Variants in ANO10 observed in about 807,000 individuals in gnomAD.
ANO10 encodes the protein anoctamin-10.
Under a neutral mutation model 74.7 loss-of-function variants are expected in ANO10, and 77 were observed. That is an observed-to-expected ratio of 1.03 (90% CI 0.86 to 1.25). The LOEUF is 1.25. Ranked by LOEUF, ANO10 falls within the 50% of genes most tolerant of loss-of-function variation. ANO10 has a pLI of 0.00. For synonymous variants in ANO10, 279 were observed against 284.9 expected (o/e 0.98, Z 0.21); for missense variants, 721 against 778.1 (o/e 0.93, Z 0.87).
intron 12 of ANO10, among the ~76,000 whole-genome samples, chr3:43,378,719 A>G (rs1056254135): frequency 1.3e-5 from 2 of 152,132 alleles, no homozygotes; most frequent in Non-Finnish European, 2.9e-5. Context: ...CCCCTGGGTG[A>G]TGACGGCTGT....
intron 10 of ANO10, among the ~76,000 whole-genome samples, chr3:43,550,231 T>C (rs2079397119): frequency 6.6e-6 from 1 of 152,218 alleles, no homozygotes; most frequent in Admixed American, 6.5e-5. Context: ...GAACTTATGT[T>C]GTGAAACCAT....
chr3:43,538,948 G>A (rs559653937), intron 11 of ANO10, among the ~76,000 whole-genome samples: 1 of 152,296 alleles, frequency 6.6e-6, no homozygotes, highest in Non-Finnish European at 1.5e-5. Flanking sequence ...ATTTATGTTA[G>A]TGAATGAAAA....
Position 43,644,287 on chromosome 3 carries a change from C to T in ANO10, c.-11-38424G>A, listed in dbSNP as rs562790555. Among the ~76,000 whole-genome samples, 83 of 152,220 alleles carry T rather than the reference C, an allele frequency of 5.5e-4. 1 individual carries two copies. The highest frequency in any genetic ancestry group is 1.7e-3 in the African/African-American group (72 of 41,540). On this transcript the variant is annotated intron_variant, in intron 1 of 3. Transcript: ENST00000413397. ...AGGTGGCTTTCTATTTGTCCCAACACTATGTATTTAAAAGCCCAGTTTTTC... is the reference window on the plus strand; with the variant it reads ...AGGTGGCTTTCTATTTGTCCCAACATTATGTATTTAAAAGCCCAGTTTTTC...
At chr3:43,564,373 T>C (rs1461618671) in intron 8 of ANO10, among the ~76,000 whole-genome samples, 1 of 151,520 alleles carries the variant, frequency 6.6e-6, no homozygotes, top group Non-Finnish European at 1.5e-5. Context: ...ACAGCATATG[T>C]ACCCCATAAA....
chr3:43,549,274 C>T (rs562658351), intron 11 of ANO10, among the ~76,000 whole-genome samples: 1 of 125,222 alleles, frequency 8.0e-6, no homozygotes, highest in Non-Finnish European at 1.6e-5. Context: ...TACCAAATTA[C>T]ATCAGGTACC....
intron 12 of ANO10, among the ~76,000 whole-genome samples, chr3:43,427,382 G>A (rs2092914584): frequency 6.6e-6 from 1 of 152,020 alleles, no homozygotes; most frequent in Non-Finnish European, 1.5e-5. Context: ...CAGGGCATAG[G>A]GTCTAAGTAC....
chr3:43,627,972 C>T (rs992309255), intron 1 of ANO10, among the ~76,000 whole-genome samples: 32 of 152,134 alleles, frequency 2.1e-4, no homozygotes, highest in African/African-American at 5.1e-4. Flanking sequence ...CCACAATCTC[C>T]GTCTCCCAGA....
chr3:43,684,470 T>G (rs2084246769), intron 1 of ANO10, among the ~76,000 whole-genome samples: 1 of 152,240 alleles, frequency 6.6e-6, no homozygotes, highest in East Asian at 1.9e-4. Context: ...GGAACACTTT[T>G]ACACTGTTGG....
intron 1 of ANO10, among the ~76,000 whole-genome samples, chr3:43,660,681 G>C (rs1159783305): frequency 6.6e-6 from 1 of 152,194 alleles, no homozygotes; most frequent in Non-Finnish European, 1.5e-5. Flanking sequence ...CTGGCTGGGC[G>C]CAGTGGCTCA....
intron 4 of ANO10, among the ~76,000 whole-genome samples, chr3:43,596,727 C>A (rs1446648517): frequency 6.6e-6 from 1 of 152,064 alleles, no homozygotes; most frequent in Non-Finnish European, 1.5e-5. Context: ...TCTAAAACAC[C>A]AAAAGCAATG....
chr3:43,464,234 C>G (rs2075514967), intron 11 of ANO10, among the ~76,000 whole-genome samples: 2 of 152,192 alleles, frequency 1.3e-5, no homozygotes, highest in African/African-American at 4.8e-5. Flanking sequence ...CAGTATTATT[C>G]TGATACCAAA....
intron 12 of ANO10, among the ~76,000 whole-genome samples, chr3:43,404,246 C>T (rs2092535386): frequency 6.6e-6 from 1 of 152,044 alleles, no homozygotes; most frequent in African/African-American, 2.4e-5. Flanking sequence ...TGCGAGAGGA[C>T]CTATGGAGAG....
chr3:43,602,389 G>A (rs141426224), intron 2 of ANO10, among the ~76,000 whole-genome samples: 14 of 152,240 alleles, frequency 9.2e-5, no homozygotes, highest in African/African-American at 3.4e-4. Context: ...CCAGGCTAGA[G>A]TGCAATGGTG....
chr3:43,520,525 C>T (rs374155779), intron 11 of ANO10, among the ~76,000 whole-genome samples: 1 of 152,088 alleles, frequency 6.6e-6, no homozygotes, highest in African/African-American at 2.4e-5. Context: ...ACTATTCTTC[C>T]CCCAATGAAT....
At chr3:43,494,335 C>G (rs951058251) in intron 11 of ANO10, among the ~76,000 whole-genome samples, 1 of 152,152 alleles carries the variant, frequency 6.6e-6, no homozygotes, top group Non-Finnish European at 1.5e-5. Context: ...CGCCTGTAAT[C>G]CCAGCTACTC....
At chr3:43,449,892 T>C (rs1205847130) in intron 11 of ANO10, among the ~76,000 whole-genome samples, 1 of 152,226 alleles carries the variant, frequency 6.6e-6, no homozygotes, top group Non-Finnish European at 1.5e-5. Context: ...GACATCTTAA[T>C]AGAGAATCCT....
At chr3:43,393,356 A>G (rs2092314891) in intron 12 of ANO10, among the ~76,000 whole-genome samples, 1 of 152,134 alleles carries the variant, frequency 6.6e-6, no homozygotes, top group Non-Finnish European at 1.5e-5. Context: ...CATTTCTCAA[A>G]TTTGTCTACT....
At chr3:43,468,741 C>T (rs183002870) in intron 11 of ANO10, among the ~76,000 whole-genome samples, 43 of 148,780 alleles carry the variant, frequency 2.9e-4, no homozygotes, top group African/African-American at 9.0e-4. Context: ...GACAGAGTCT[C>T]GCTCTGTTGC....
chr3:43,684,122 C>A (rs2084241418), intron 1 of ANO10, among the ~76,000 whole-genome samples: 1 of 152,020 alleles, frequency 6.6e-6, no homozygotes, highest in Non-Finnish European at 1.5e-5. Context: ...GCAAAAAAAA[C>A]TACCATTAGA....
Sources: gnomAD v4.1 joint callset for allele counts (sites outside exome capture counted in the v4.1 genomes callset) on GRCh38, gnomAD v4.1.1 for gene constraint, MANE v1.5 for transcripts, NCBI Gene and HGNC (gene_info 2026-07-23, HGNC 2026-07-21) for gene names.